The following HCRTR1 variants were observed in gnomAD, a reference collection of about 807,000 sequenced individuals.
The protein encoded by HCRTR1 is orexin/Hypocretin receptor type 1.
HCRTR1 carries 28 observed loss-of-function variants against 40.6 expected under a neutral mutation model. The ratio of observed to expected loss-of-function variants is 0.69; its 90% confidence interval spans 0.51 to 0.95. The LOEUF (loss-of-function observed/expected upper bound fraction) is 0.95. HCRTR1 is among the 40% of genes least tolerant of loss of function. HCRTR1 has a pLI of 0.00. For missense variants in HCRTR1, 482 were observed against 564.7 expected (o/e 0.85, Z 1.48); for synonymous variants, 209 against 230.0 (o/e 0.91, Z 0.83).
downstream of HCRTR1, chr1:31,630,714 C>A (rs1321169406): frequency 1.9e-6 from 3 of 1,614,166 alleles, no homozygotes; most frequent in Non-Finnish European, 2.5e-6. Flanking sequence ...TCTGTCAGCA[C>A]CTGCAGCTGG....
chr1:31,632,694 TC>T (rs1168684384), downstream of HCRTR1: 39 of 1,584,778 alleles, frequency 2.5e-5, 1 homozygote, highest in East Asian at 8.1e-4. Flanking sequence ...AGGCCAAGGG[TC>T]CCCCTCAGGA....
At chr1:31,628,336 C>T (rs1392159435), downstream of HCRTR1, among the ~76,000 whole-genome samples, 4 of 152,210 alleles carry the variant, frequency 2.6e-5, no homozygotes, top group Non-Finnish European at 4.4e-5. Flanking sequence ...AAGTATGCCA[C>T]CTGCTCTCCA....
At chr1:31,632,721 C>G, downstream of HCRTR1, 11 of 1,499,676 alleles carry the variant, frequency 7.3e-6, no homozygotes, top group South Asian at 1.4e-4. Flanking sequence ...TGAGGCAGCC[C>G]TTCTCTCCAG....
At chr1:31,621,210 G>GGGTGTCCCCTA in intron 5 of HCRTR1, 124 bp downstream of exon 5, 1 of 1,333,152 alleles carries the variant, frequency 7.5e-7, no homozygotes, top group Non-Finnish European at 1.0e-6. Flanking sequence ...TATTTCCCTA[G>GGGTGTCCCCTA]GGGACACCCT....
Position 31,619,367 on chromosome 1 carries a change from G to A in HCRTR1, c.175G>A (p.Val59Met), listed in dbSNP as rs773384656. The A allele has an allele frequency of 6.2e-6, 10 of 1,614,186 alleles. No homozygotes were observed. The highest frequency in any genetic ancestry group is 3.3e-5 in the South Asian group (3 of 91,086). The part of the protein sequence containing the change: ...LIAAYVAVFV[V>M]ALVGNTLVCL... The stretch of plus-strand genomic sequence containing the variant: ...CGCAGCCTATGTGGCTGTGTTCGTC[G>A]TGGCCCTGGTGGGCAACACGCTGGG... The change falls in exon 3 of 9, where the codon GTG (valine) becomes ATG (methionine). Residue 59 changes from valine to methionine, a missense_variant. Coordinates refer to ENST00000403528, the MANE Select transcript of HCRTR1 (RefSeq NM_001525.3).
chr1:31,623,410 C>T, intron 6 of HCRTR1, 113 bp from the exon 7 acceptor site: 1 of 753,530 alleles, frequency 1.3e-6, no homozygotes, highest in Non-Finnish European at 2.1e-6. Context: ...GGGTTTTATC[C>T]TTTTGCCCAT....
At chr1:31,630,306 CACTA>C (rs1371691539), downstream of HCRTR1, 1 of 405,832 alleles carries the variant, frequency 2.5e-6, no homozygotes, top group Admixed American at 3.6e-5. Flanking sequence ...GCTGACTGGA[CACTA>C]ACTCCATTAC....
At position 31,627,473 on chromosome 1, in the gene HCRTR1, G is replaced by T. The variant is rs1007885007; in HGVS notation, c.*493G>T. ...CTTTCTCCAGCGGGCCACGAGCACA[G>T]CCCCACCCTAACCAGGTGCCAAGGG... On this transcript the variant is annotated 3_prime_UTR_variant, in exon 9 of 9. Transcript: ENST00000403528. 4 of 757,434 alleles carry T rather than the reference G, an allele frequency of 5.3e-6. No homozygotes were observed. Among genetic ancestry groups the T allele is most frequent in the Non-Finnish European group, 7.9e-6 (4 of 506,298 alleles). 46.9% of individuals were successfully genotyped at this position (757,434 alleles called of 1,614,324 possible).
chr1:31,621,029 C>T lies in HCRTR1; in HGVS notation c.565C>T (p.Leu189=), dbSNP rs1253229112. The T allele has an allele frequency of 1.9e-6, 3 of 1,613,018 alleles. No homozygotes were observed. The highest frequency in any genetic ancestry group is 3.3e-5 in the Admixed American group (2 of 60,018). The change falls in exon 5 of 9, where the codon CTG becomes TTG. Residue 189 remains leucine (L), a synonymous_variant. Transcript: ENST00000403528. Reference sequence around the variant, plus strand: ...TGCAGTCATGGAATGCAGCAGTGTGCTGCCTGAGCTAGCCAACCGCACACG... The same window carrying T: ...TGCAGTCATGGAATGCAGCAGTGTGTTGCCTGAGCTAGCCAACCGCACACG... ...QAAVMECSSV[L]PELANRTRLF...
rs1639975519 is a variant in HCRTR1 at position 31,626,361 on chromosome 1, G to A, written c.1088-429G>A. 6.6e-6 allele frequency among the ~76,000 whole-genome samples: 1 copy of A among 152,232 alleles called. No individual in the cohort carries two copies. The highest frequency in any genetic ancestry group is 2.4e-5 in the African/African-American group (1 of 41,456). ...TGGGATGCTCTGGCGGACAGAGGCT[G>A]AGGCGCCCAGCACAGCGTGACTGCC... On this transcript the variant is annotated intron_variant, in intron 8 of 8. Transcript: ENST00000403528. This position sits in a 1 kb window ranked among gnomAD's most constrained non-coding sequence, Gnocchi z 4.6.
Position 31,625,495 on chromosome 1 carries a change from C to T in HCRTR1, c.1087+377C>T, listed in dbSNP as rs1639956641. Among the ~76,000 whole-genome samples the T allele has an allele frequency of 1.3e-5, 2 of 152,328 alleles. No homozygotes were observed. Among genetic ancestry groups the T allele is most frequent in the South Asian group, 4.1e-4 (2 of 4,834 alleles). On this transcript the variant is annotated intron_variant, in intron 8 of 8. Transcript: ENST00000403528. This position sits in a 1 kb window ranked among gnomAD's most constrained non-coding sequence, Gnocchi z 4.2. ...GAGTCAGACCTGTGGGAGGAGGGCC[C>T]TGGAGCCCCTGCCCGAGGAAGGATT... is the stretch of plus-strand genomic sequence containing the variant.
chr1:31,627,814 C>T (rs544714330), downstream of HCRTR1, among the ~76,000 whole-genome samples: 2 of 152,176 alleles, frequency 1.3e-5, no homozygotes, highest in East Asian at 3.9e-4. Flanking sequence ...CGGTGCCAAT[C>T]CTGTGACGCC....
chr1:31,622,312 A>G (rs1570250566), intron 6 of HCRTR1, among the ~76,000 whole-genome samples: 1 of 152,140 alleles, frequency 6.6e-6, no homozygotes, highest in East Asian at 1.9e-4. Flanking sequence ...CCAGAACATG[A>G]CCAGGCTCAG....
chr1:31,629,009 T>C (rs1245136105), downstream of HCRTR1, among the ~76,000 whole-genome samples: 1 of 152,252 alleles, frequency 6.6e-6, no homozygotes, highest in Admixed American at 6.5e-5. Flanking sequence ...AAGATGTTTC[T>C]GCCAGTCATG....
Position 31,619,162 on chromosome 1 carries a change from A to G in HCRTR1, c.-31A>G. 3.8e-6 allele frequency: 6 copies of G among 1,591,662 alleles called. No homozygotes were observed. The highest frequency in any genetic ancestry group is 5.1e-6 in the Non-Finnish European group (6 of 1,169,582). On this transcript the variant is annotated 5_prime_UTR_variant, in exon 3 of 9. It removes an upstream start codon present in the reference 5' UTR. Coordinates refer to ENST00000403528, the MANE Select transcript of HCRTR1 (RefSeq NM_001525.3). Reference sequence around the variant, plus strand: ...CTCCTCTCCCTCTGTAGAGCCTAGGATGCCCCTCTGCTGCAGCGGCTCCTG... The same window carrying G: ...CTCCTCTCCCTCTGTAGAGCCTAGGGTGCCCCTCTGCTGCAGCGGCTCCTG...
intron 1 of HCRTR1, chr1:31,618,270 GATTT>G (rs1309091059): frequency 3.3e-5 from 5 of 152,254 alleles, no homozygotes; most frequent in Non-Finnish European, 1.5e-5. Context: ...GGGCTGGCTG[GATTT>G]ATGAATGGAG....
chr1:31,626,474 A>G lies in HCRTR1; in HGVS notation c.1088-316A>G, dbSNP rs995462065. Among the ~76,000 whole-genome samples the G allele has an allele frequency of 5.3e-5, 8 of 152,280 alleles. No individual in the cohort carries two copies. The South Asian group carries it at 1.7e-3, about 32-fold the overall frequency. Reference sequence around the variant, plus strand: ...TCGCAACAGATAGTGACCCCCACGTACACACCAAGGAGAGCAGAGGTGACC... The same window carrying G: ...TCGCAACAGATAGTGACCCCCACGTGCACACCAAGGAGAGCAGAGGTGACC... On this transcript the variant is annotated intron_variant, in intron 8 of 8. Coordinates refer to ENST00000403528, the MANE Select transcript of HCRTR1 (RefSeq NM_001525.3). The surrounding 1 kb of genome is among the most constrained non-coding windows in gnomAD (Gnocchi z 4.6).
downstream of HCRTR1, chr1:31,630,973 G>T (rs1640084372): frequency 1.3e-6 from 1 of 766,976 alleles, no homozygotes; most frequent in Non-Finnish European, 2.2e-6. Flanking sequence ...AGAGGGTAGA[G>T]AAATCCCAAG....
Position 31,626,774 on chromosome 1 carries a change from T to G in HCRTR1, c.1088-16T>G. On this transcript the variant is annotated splice_polypyrimidine_tract_variant and intron_variant, in intron 8 of 8. Transcript: ENST00000403528. The surrounding 1 kb of genome is among the most constrained non-coding windows in gnomAD (Gnocchi z 4.6). ...ATCTGTCTCCTTATGGCTGTGTCTTTTGTCTCCCAACCAAGGCAAATTCCG... is the reference window on the plus strand; with the variant it reads ...ATCTGTCTCCTTATGGCTGTGTCTTGTGTCTCCCAACCAAGGCAAATTCCG... The G allele has an allele frequency of 6.2e-7, 1 of 1,610,742 alleles. No homozygotes were observed. Among genetic ancestry groups the G allele is most frequent in the Non-Finnish European group, 8.5e-7 (1 of 1,178,196 alleles).
Sources: allele counts gnomAD v4.1 joint callset (sites outside exome capture counted in the v4.1 genomes callset), GRCh38; gene constraint gnomAD v4.1.1; non-coding constraint Gnocchi (gnomAD v3.1); transcripts MANE v1.5; gene names NCBI Gene and HGNC (gene_info 2026-07-23, HGNC 2026-07-21).